The following ACVRL1 variants were observed in gnomAD, a reference collection of about 807,000 sequenced individuals.
ACVRL1 encodes activin A receptor like type 1, also known as activin receptor type-1-like.
In ACVRL1, 20 loss-of-function variants were observed where a neutral mutation model predicts 51.9. That is an observed-to-expected ratio of 0.39 (90% CI 0.27 to 0.56). The LOEUF is 0.56. Among genes scored for constraint, ACVRL1 ranks in the 20% least tolerant of loss-of-function variants. ACVRL1 has a pLI of 0.67. For missense variants in ACVRL1, 451 were observed against 670.3 expected, an observed-to-expected ratio of 0.67 and a Z score of 3.61; for synonymous variants, 288 against 280.9, an observed-to-expected ratio of 1.03 and a Z score of -0.25.
chr12:51,919,253 C>T, intron 9 of ACVRL1, 138 bp downstream of exon 9: 1 of 1,339,712 alleles, frequency 7.5e-7, no homozygotes, highest in Non-Finnish European at 1.0e-6. Flanking sequence ...TCTCTAGGTA[C>T]TCCCTCTTTC....
intron 1 of ACVRL1, among the ~76,000 whole-genome samples, chr12:51,908,947 C>T (rs1940642819): frequency 6.6e-6 from 1 of 152,212 alleles, no homozygotes; most frequent in Admixed American, 6.5e-5. Flanking sequence ...GGATGTTCCA[C>T]TGCATCACCC....
intron 6 of ACVRL1, 108 bp from the exon 7 acceptor site, chr12:51,915,117 C>T: frequency 8.1e-7 from 1 of 1,236,126 alleles, no homozygotes; most frequent in Non-Finnish European, 1.2e-6. Context: ...CCTAGCTTAG[C>T]AGTGACCCAG....
Position 51,922,545 on chromosome 12 carries a change from T to C in ACVRL1, c.*1652T>C, listed in dbSNP as rs1033377840. ...GCTCTAGAGAGACACACAGAAAGTT[T>C]GGCATTTGGAAATTTCAAGGATGTA... On this transcript the variant is annotated 3_prime_UTR_variant, in exon 10 of 10. Transcript: ENST00000388922. 9 of 152,308 alleles carry C rather than the reference T, an allele frequency of 5.9e-5. No individual in the cohort carries two copies. Among genetic ancestry groups the C allele is most frequent in the African/African-American group, 1.9e-4 (8 of 41,452 alleles). 9.4% of individuals were successfully genotyped at this position (152,308 alleles called of 1,614,324 possible). A position where few individuals can be genotyped will look rare whatever the true frequency, so the allele number is the denominator to read the frequency against.
rs368057934 is a variant in ACVRL1, at chr12:51,916,147, C to T, written c.1160C>T (p.Thr387Met). 2.2e-5 allele frequency: 35 copies of T among 1,614,080 alleles called. No individual in the cohort carries two copies. Among genetic ancestry groups the T allele is most frequent in the Non-Finnish European group, 2.8e-5 (33 of 1,180,044 alleles). The change falls in exon 8 of 10, where the codon ACG (threonine) becomes ATG (methionine). Residue 387 changes from threonine to methionine, a missense_variant. Coordinates refer to ENST00000388922, the MANE Select transcript of ACVRL1 (RefSeq NM_000020.3). ...APEVLDEQIRTDCFESYKWTD... is the reference protein window; with the variant it reads ...APEVLDEQIRMDCFESYKWTD... ...GAGGTGCTGGACGAGCAGATCCGCACGGACTGCTTTGAGTCCTACAAGTGG... is the reference window on the plus strand; with the variant it reads ...GAGGTGCTGGACGAGCAGATCCGCATGGACTGCTTTGAGTCCTACAAGTGG...
At chr12:51,908,981 C>T (rs1940643405) in intron 1 of ACVRL1, among the ~76,000 whole-genome samples, 1 of 152,164 alleles carries the variant, frequency 6.6e-6, no homozygotes, top group Non-Finnish European at 1.5e-5. Context: ...TAATAAATCA[C>T]ATGGATGAAT....
At chr12:51,909,692 A>AAGTTT (rs1441779900) in intron 1 of ACVRL1, among the ~76,000 whole-genome samples, 15 of 152,052 alleles carry the variant, frequency 9.9e-5, no homozygotes, top group African/African-American at 3.6e-4. Flanking sequence ...TCAGCAATTT[A>AAGTTT]AGTTTATTAA....
chr12:51,913,521 C>T, intron 3 of ACVRL1, 38 bp from the exon 4 acceptor site: 2 of 1,578,658 alleles, frequency 1.3e-6, no homozygotes, highest in African/African-American at 1.3e-5. Flanking sequence ...GGGGAGCTGA[C>T]CTAGTGGAAG....
rs1003078756 is a variant in ACVRL1 at position 51,914,694 on chromosome 12, C to G, written c.772+109C>G. ...ACAGAACCCTGAAGGACTCTCAGCC[C>G]ACCTGCAGCATCAACCTCTTTTTTT... On this transcript the variant is annotated intron_variant, in intron 6 of 9. Coordinates refer to ENST00000388922, the MANE Select transcript of ACVRL1 (RefSeq NM_000020.3). 27 of 913,674 alleles carry G rather than the reference C, an allele frequency of 3.0e-5. 1 individual carries two copies. The Admixed American group carries it at 5.5e-4, about 19-fold the overall frequency. The allele number at this position is 913,674 out of a possible 1,614,324, so 56.6% of individuals were successfully genotyped here. A position where few individuals can be genotyped will look rare whatever the true frequency, so the allele number is the denominator to read the frequency against.
intron 1 of ACVRL1, among the ~76,000 whole-genome samples, chr12:51,910,015 T>A (rs1040639523): frequency 6.6e-6 from 1 of 152,164 alleles, no homozygotes; most frequent in African/African-American, 2.4e-5. Flanking sequence ...TACAGTCAGA[T>A]TTCAGGGTAA....
Position 51,916,055 on chromosome 12 carries a change from A to G in ACVRL1, c.1068A>G (p.Ser356=). 5.6e-6 allele frequency: 9 copies of G among 1,612,854 alleles called. No individual in the cohort carries two copies. The highest frequency in any genetic ancestry group is 1.3e-5 in the African/African-American group (1 of 75,016). ...CCACAGGCCTGGCTGTGATGCACTC[A>G]CAGGGCAGCGATTACCTGGACATCG... ...IADLGLAVMH[S]QGSDYLDIGN... The change falls in exon 8 of 10, where the codon TCA becomes TCG. Residue 356 remains serine, a synonymous_variant. Coordinates refer to ENST00000388922, the MANE Select transcript of ACVRL1 (RefSeq NM_000020.3).
At chr12:51,919,494 C>T (rs1940920169) in intron 9 of ACVRL1, among the ~76,000 whole-genome samples, 1 of 151,988 alleles carries the variant, frequency 6.6e-6, no homozygotes, top group Non-Finnish European at 1.5e-5. Context: ...CTCCTCGGCT[C>T]AACTGATCCT....
At chr12:51,914,618 G>A (rs1202229776) in intron 6 of ACVRL1, 33 bp downstream of exon 6, 2 of 1,595,350 alleles carry the variant, frequency 1.3e-6, no homozygotes, top group Non-Finnish European at 1.7e-6. Context: ...CCAGGCCTGG[G>A]GCTTTGCCCC....
In ACVRL1 at chr12:51,920,932, G is replaced by T. The variant is rs771035372; in HGVS notation, c.*39G>T. ...GATTCCTTTCTGCCTGCAGGGGGCT[G>T]GGGGGGTGGGGGGCAGTGGATGGTG... On this transcript the variant is annotated 3_prime_UTR_variant, in exon 10 of 10. Transcript: ENST00000388922. The T allele has an allele frequency of 7.0e-6, 10 of 1,423,954 alleles. No homozygotes were observed. Among genetic ancestry groups the T allele is most frequent in the African/African-American group, 2.8e-5 (2 of 70,466 alleles). 88.2% of individuals were successfully genotyped at this position (1,423,954 alleles called of 1,614,324 possible).
At position 51,916,017 on chromosome 12, in the gene ACVRL1, A is replaced by G; in HGVS notation, c.1049-19A>G. On this transcript the variant is annotated intron_variant, in intron 7 of 9. Transcript: ENST00000388922. The stretch of plus-strand genomic sequence containing the variant: ...CAGGTTTGGGAGAGGGGCAGGAGTG[A>G]CAGGCCTCACCCCCACAGGCCTGGC... 1 of 1,608,442 alleles carries G rather than the reference A, an allele frequency of 6.2e-7. No individual in the cohort carries two copies. Among genetic ancestry groups the G allele is most frequent in the East Asian group, 2.2e-5 (1 of 44,720 alleles).
chr12:51,909,391 G>T (rs1940649787), intron 1 of ACVRL1, among the ~76,000 whole-genome samples: 2 of 152,102 alleles, frequency 1.3e-5, no homozygotes, highest in African/African-American at 4.8e-5. Flanking sequence ...GGACTTGGGA[G>T]GCTGAGGTGG....
intron 3 of ACVRL1, 34 bp from the exon 4 acceptor site, chr12:51,913,525 G>C (rs745594026): frequency 7.2e-5 from 114 of 1,582,908 alleles, no homozygotes; most frequent in Non-Finnish European, 5.1e-6. Context: ...AGCTGACCTA[G>C]TGGAAGCTGA....
At chr12:51,908,727 T>C (rs182398121) in intron 1 of ACVRL1, among the ~76,000 whole-genome samples, 329 of 152,274 alleles carry the variant, frequency 2.2e-3, no homozygotes, top group Non-Finnish European at 4.0e-3. Flanking sequence ...ATTTTACCTA[T>C]GAGATAACAC....
rs1252551593 is a variant in ACVRL1 at position 51,915,486 on chromosome 12, G to GCATCGCCGACCTGGGTGAGC, written c.1036_1048+7dup. 1 of 1,607,760 alleles carries GCATCGCCGACCTGGGTGAGC rather than the reference G, an allele frequency of 6.2e-7. No individual in the cohort carries two copies. Among genetic ancestry groups the GCATCGCCGACCTGGGTGAGC allele is most frequent in the African/African-American group, 1.3e-5 (1 of 74,836 alleles). The stretch of plus-strand genomic sequence containing the variant: ...CTGGTCAAGAGCAACCTGCAGTGTT[G>GCATCGCCGACCTGGGTGAGC]CATCGCCGACCTGGGTGAGCCGGGC... On this transcript the variant is annotated frameshift_variant, in exon 7 of 10. Coordinates refer to ENST00000388922, the MANE Select transcript of ACVRL1 (RefSeq NM_000020.3). LOFTEE classifies it high-confidence loss of function.
Position 51,921,270 on chromosome 12 carries a change from A to C in ACVRL1, c.*377A>C. 1 of 333,986 alleles carries C rather than the reference A, an allele frequency of 3.0e-6. No individual in the cohort carries two copies. The highest frequency in any genetic ancestry group is 5.9e-6 in the Non-Finnish European group (1 of 169,900). The allele number at this position is 333,986 out of a possible 1,614,324, so 20.7% of individuals were successfully genotyped here. ...GCACTTTGCCCCCTGCCCTTGATCA[A>C]CCCCACTGCCCCACCAGAGCTGCCA... On this transcript the variant is annotated 3_prime_UTR_variant, in exon 10 of 10. Coordinates refer to ENST00000388922, the MANE Select transcript of ACVRL1 (RefSeq NM_000020.3).
Sources: allele counts gnomAD v4.1 joint callset (sites outside exome capture counted in the v4.1 genomes callset), GRCh38; gene constraint gnomAD v4.1.1; transcripts MANE v1.5; gene names NCBI Gene and HGNC (gene_info 2026-07-23, HGNC 2026-07-21).